GRID1: variants seen among roughly 807,000 people sequenced by gnomAD.
GRID1 encodes glutamate receptor ionotropic, delta-1.
Under a neutral mutation model 98.0 loss-of-function variants are expected in GRID1, and 28 were observed. The observed-to-expected ratio is 0.29, with a 90% CI of 0.21 to 0.39. The LOEUF (loss-of-function observed/expected upper bound fraction) is 0.39, where lower values mean the gene tolerates loss of function less well. GRID1 is among the 10% of genes least tolerant of loss of function. The probability of loss-of-function intolerance (pLI) is 1.00; values close to 1 mark genes in which losing one functional copy is unlikely to be tolerated. For missense variants in GRID1, 1,111 were observed against 1,340.5 expected (o/e 0.83, Z 2.67); for synonymous variants, 553 against 538.5 (o/e 1.03, Z -0.37).
Position 85,916,321 on chromosome 10 carries a change from A to G in GRID1, c.727-82T>C, listed in dbSNP as rs2131824551. 9.6e-7 allele frequency: 1 copy of G among 1,037,664 alleles called. No individual in the cohort carries two copies. Among genetic ancestry groups the G allele is most frequent in the East Asian group, 2.4e-5 (1 of 42,150 alleles). 64.3% of individuals were successfully genotyped at this position (1,037,664 alleles called of 1,614,324 possible). A position where few individuals can be genotyped will look rare whatever the true frequency, so the allele number is the denominator to read the frequency against. On this transcript the variant is annotated intron_variant, in intron 4 of 15. Coordinates refer to ENST00000327946, the MANE Select transcript of GRID1 (RefSeq NM_017551.3). The surrounding 1 kb of genome is among the most constrained non-coding windows in gnomAD (Gnocchi z 4.0). ...AGGATGATTGCCGAGACAGAGTTTT[A>G]TAAACATTGTTCTTGGAGAATATTT...
chr10:86,245,513 CTACCATT>C (rs1846710211), intron 2 of GRID1, among the ~76,000 whole-genome samples: 1 of 145,158 alleles, frequency 6.9e-6, no homozygotes, highest in African/African-American at 2.5e-5. Flanking sequence ...CATTCCTCCT[CTACCATT>C]TGCTTTACTC....
intron 4 of GRID1, among the ~76,000 whole-genome samples, chr10:86,127,795 C>T (rs1324379239): frequency 6.6e-6 from 1 of 152,192 alleles, no homozygotes; most frequent in African/African-American, 2.4e-5. Flanking sequence ...CTGGCCACAG[C>T]TCCCCATCTC....
chr10:86,256,752 G>A (rs186889965), intron 2 of GRID1, among the ~76,000 whole-genome samples: 134 of 152,250 alleles, frequency 8.8e-4, no homozygotes, highest in African/African-American at 2.8e-3. Context: ...GGTGTCTCCC[G>A]TCCACTCTGT....
chr10:86,284,661 C>T (rs1003857716), intron 2 of GRID1, among the ~76,000 whole-genome samples: 1 of 152,234 alleles, frequency 6.6e-6, no homozygotes, highest in Non-Finnish European at 1.5e-5. Flanking sequence ...GCCTGCCAGG[C>T]CACAGGCTCT....
At chr10:85,703,177 A>G (rs1841472614) in intron 12 of GRID1, among the ~76,000 whole-genome samples, 1 of 152,096 alleles carries the variant, frequency 6.6e-6, no homozygotes, top group African/African-American at 2.4e-5. Flanking sequence ...ATATACAGAT[A>G]TGTTTTAATT....
chr10:86,126,107 G>T (rs1844748566), intron 4 of GRID1, among the ~76,000 whole-genome samples: 1 of 152,190 alleles, frequency 6.6e-6, no homozygotes, highest in South Asian at 2.1e-4. Flanking sequence ...ACAAAAGTAA[G>T]AAGGATGTTG....
At chr10:85,874,843 G>T (rs1843312401) in intron 5 of GRID1, among the ~76,000 whole-genome samples, 1 of 150,724 alleles carries the variant, frequency 6.6e-6, no homozygotes, top group African/African-American at 2.4e-5. Context: ...ATATATTTTG[G>T]GGTTATGTTA....
intron 8 of GRID1, among the ~76,000 whole-genome samples, chr10:85,841,727 G>T (rs1224493919): frequency 6.6e-6 from 1 of 152,058 alleles, no homozygotes; most frequent in Non-Finnish European, 1.5e-5. Context: ...ATGAAAAAAA[G>T]CTCAACATCA....
intron 2 of GRID1, among the ~76,000 whole-genome samples, chr10:86,320,800 T>C (rs1380489396): frequency 6.6e-6 from 1 of 152,110 alleles, no homozygotes; most frequent in Non-Finnish European, 1.5e-5. Flanking sequence ...ATTATTATTA[T>C]AGTAAAATGT....
At position 85,856,107 on chromosome 10, in the gene GRID1, G is replaced by A; in HGVS notation, c.1035C>T (p.Ser345=). Residue 345 remains serine, a synonymous_variant, in exon 7 of 16, where the codon AGC becomes AGT. Coordinates refer to ENST00000327946, the MANE Select transcript of GRID1 (RefSeq NM_017551.3). ...HRKLEDRKWH[S]MASLNCIRKS... ...TCCGTATGCAGTTGAGGCTCGCCAT[G>A]CTATGCCACTTCCGGTCCTCCAGCT... The A allele has an allele frequency of 6.2e-7, 1 of 1,614,028 alleles. No individual in the cohort carries two copies. Among genetic ancestry groups the A allele is most frequent in the Non-Finnish European group, 8.5e-7 (1 of 1,179,862 alleles).
intron 4 of GRID1, among the ~76,000 whole-genome samples, chr10:86,081,065 T>G (rs894986846): frequency 2.0e-5 from 3 of 152,156 alleles, no homozygotes; most frequent in African/African-American, 7.2e-5. Flanking sequence ...CAGCATCTGC[T>G]GCAGAGGGGT....
At chr10:85,911,133 G>C (rs981741021) in intron 5 of GRID1, among the ~76,000 whole-genome samples, 11 of 152,298 alleles carry the variant, frequency 7.2e-5, no homozygotes, top group African/African-American at 2.6e-4. Context: ...GAAGTGGGCA[G>C]ATTTCTTAAA....
intron 4 of GRID1, among the ~76,000 whole-genome samples, chr10:85,960,142 C>T (rs1195953532): frequency 1.3e-5 from 2 of 152,162 alleles, no homozygotes; most frequent in African/African-American, 2.4e-5. Context: ...TCAAGTGATC[C>T]GCCTGCCTCA....
At chr10:86,097,583 T>C (rs960125377) in intron 4 of GRID1, among the ~76,000 whole-genome samples, 2 of 152,304 alleles carry the variant, frequency 1.3e-5, no homozygotes, top group South Asian at 2.1e-4. Flanking sequence ...CTGTATCCTA[T>C]TGGTTCTCTT....
chr10:86,060,474 T>A (rs1020985267), intron 4 of GRID1, among the ~76,000 whole-genome samples: 4 of 152,164 alleles, frequency 2.6e-5, no homozygotes, highest in African/African-American at 9.7e-5. Flanking sequence ...AGGGAGCATA[T>A]CCCCAGTATA....
At chr10:86,000,716 A>G (rs1168593891) in intron 4 of GRID1, among the ~76,000 whole-genome samples, 6 of 152,214 alleles carry the variant, frequency 3.9e-5, no homozygotes, top group Non-Finnish European at 8.8e-5. Flanking sequence ...CTAGAAATCC[A>G]TATATCAAAA....
At chr10:85,657,803 T>C (rs1231971586) in intron 12 of GRID1, among the ~76,000 whole-genome samples, 1 of 152,164 alleles carries the variant, frequency 6.6e-6, no homozygotes, top group African/African-American at 2.4e-5. Context: ...TCCAGGTTCT[T>C]TGTGGGTGCA....
chr10:85,841,006 AC>A (rs1348329351), intron 8 of GRID1, among the ~76,000 whole-genome samples: 1 of 152,222 alleles, frequency 6.6e-6, no homozygotes, highest in Non-Finnish European at 1.5e-5. Flanking sequence ...TTCATATGGA[AC>A]CAAAAAATAG....
At chr10:85,763,465 T>A (rs1842168420) in intron 8 of GRID1, among the ~76,000 whole-genome samples, 1 of 152,222 alleles carries the variant, frequency 6.6e-6, no homozygotes, top group Non-Finnish European at 1.5e-5. Context: ...ACCTTCTGAT[T>A]TACATAATGC....
Sources: gnomAD v4.1 joint callset for allele counts (sites outside exome capture counted in the v4.1 genomes callset) on GRCh38, gnomAD v4.1.1 for gene constraint, Gnocchi (gnomAD v3.1) non-coding constraint, MANE v1.5 for transcripts, NCBI Gene and HGNC (gene_info 2026-07-23, HGNC 2026-07-21) for gene names.